The following NCS1 variants were observed in gnomAD, a reference collection of about 807,000 sequenced individuals.
NCS1 encodes frequenin homolog.
In NCS1, 6 loss-of-function variants were observed where a neutral mutation model predicts 28.4. The observed-to-expected ratio is 0.21, with a 90% CI of 0.12 to 0.42. The LOEUF (loss-of-function observed/expected upper bound fraction) is 0.42, where lower values mean the gene tolerates loss of function less well. NCS1 is among the 10% of genes least tolerant of loss of function. The pLI, the probability that NCS1 is intolerant of heterozygous loss-of-function variation, is 1.00. For synonymous variants in NCS1, 86 were observed against 99.3 expected (o/e 0.87, Z 0.79); for missense variants, 131 against 241.4 (o/e 0.54, Z 3.03).
intron 1 of NCS1, among the ~76,000 whole-genome samples, chr9:130,176,999 G>T (rs782625307): frequency 2.0e-5 from 3 of 152,188 alleles, no homozygotes; most frequent in Non-Finnish European, 4.4e-5. Flanking sequence ...GGGACCCTCG[G>T]TCTGGGACTC....
intron 1 of NCS1, among the ~76,000 whole-genome samples, chr9:130,184,232 C>G (rs1321656570): frequency 2.6e-5 from 4 of 152,182 alleles, no homozygotes; most frequent in African/African-American, 9.7e-5. Context: ...TTCTCTGAAT[C>G]TCTGCAGAAC....
chr9:130,228,477 G>C (rs1554911717), intron 7 of NCS1, among the ~76,000 whole-genome samples: 2 of 151,888 alleles, frequency 1.3e-5, no homozygotes. Flanking sequence ...TCCTACCTCG[G>C]CCTCCCAAAG....
At chr9:130,227,360 C>T (rs1833430031) in intron 7 of NCS1, among the ~76,000 whole-genome samples, 2 of 152,184 alleles carry the variant, frequency 1.3e-5, no homozygotes, top group Admixed American at 1.3e-4. Context: ...GTCCAGAGAT[C>T]AGCGTTCTTG....
In NCS1 at chr9:130,173,208, G is replaced by GGA. The variant is rs1554904300; in HGVS notation, c.64+482_64+483insAG. 8.7e-3 allele frequency among the ~76,000 whole-genome samples: 1,318 copies of GGA among 151,958 alleles called. 36 individuals are homozygous for GGA. Among genetic ancestry groups the GGA allele is most frequent in the African/African-American group, 0.03 (1,246 of 41,414 alleles). On this transcript the variant is annotated intron_variant, in intron 1 of 7. Coordinates refer to ENST00000372398, the MANE Select transcript of NCS1 (RefSeq NM_014286.4). ...CCTGGCCCCGTTCGTGTGGGGGGGG[G>GGA]GGTGGCGAGACTTGGCACAGCGCTC...
chr9:130,195,504 AC>A (rs1159873039), intron 1 of NCS1, among the ~76,000 whole-genome samples: 1 of 150,822 alleles, frequency 6.6e-6, no homozygotes, highest in African/African-American at 2.4e-5. Flanking sequence ...GCTCACTACA[AC>A]CTCTGCCTCC....
At chr9:130,189,365 A>G (rs1832784569) in intron 1 of NCS1, among the ~76,000 whole-genome samples, 1 of 152,228 alleles carries the variant, frequency 6.6e-6, no homozygotes, top group Non-Finnish European at 1.5e-5. Flanking sequence ...AGTTTAGACA[A>G]AGACCCTTTC....
At chr9:130,217,606 T>A (rs1833207551) in intron 2 of NCS1, among the ~76,000 whole-genome samples, 1 of 152,170 alleles carries the variant, frequency 6.6e-6, no homozygotes, top group Non-Finnish European at 1.5e-5. Flanking sequence ...GTAACCCCCT[T>A]ATGCAGACGA....
intron 3 of NCS1, among the ~76,000 whole-genome samples, chr9:130,218,240 C>T (rs1833218166): frequency 6.6e-6 from 1 of 152,240 alleles, no homozygotes; most frequent in African/African-American, 2.4e-5. Context: ...CACATCCAAG[C>T]TCTCACACAG....
chr9:130,218,714 C>T (rs1564712676), intron 3 of NCS1, among the ~76,000 whole-genome samples: 1 of 152,014 alleles, frequency 6.6e-6, no homozygotes, highest in Non-Finnish European at 1.5e-5. Flanking sequence ...GCCTCAGCCT[C>T]CTGAGAAGCT....
At chr9:130,187,269 C>A (rs1341646911) in intron 1 of NCS1, among the ~76,000 whole-genome samples, 1 of 152,152 alleles carries the variant, frequency 6.6e-6, no homozygotes, top group African/African-American at 2.4e-5. Context: ...GTGTCCGAGT[C>A]TGTGCCTCTC....
rs1461946694 is a variant in NCS1, at chr9:130,236,287, ATTTAAT to A, written c.*3321_*3326del. 7.2e-5 allele frequency: 11 copies of A among 152,082 alleles called. No individual in the cohort carries two copies. The highest frequency in any genetic ancestry group is 5.9e-4 in the Admixed American group (9 of 15,264). The allele number at this position is 152,082 out of a possible 1,614,324, so 9.4% of individuals were successfully genotyped here. ...ACCCTGTTCCCAGCGCGGTTTCAGC[ATTTAAT>A]TTTAAGGGAGCTAAGGAAGCGCGGC... On this transcript the variant is annotated 3_prime_UTR_variant, in exon 8 of 8. Coordinates refer to ENST00000372398, the MANE Select transcript of NCS1 (RefSeq NM_014286.4).
At chr9:130,228,549 C>T (rs1833450407) in intron 7 of NCS1, among the ~76,000 whole-genome samples, 2 of 151,754 alleles carry the variant, frequency 1.3e-5, no homozygotes, top group South Asian at 4.2e-4. Flanking sequence ...AATGCTAAGT[C>T]ACCTTGCATT....
intron 1 of NCS1, among the ~76,000 whole-genome samples, chr9:130,195,538 T>G (rs1490709771): frequency 1.3e-5 from 2 of 152,206 alleles, no homozygotes; most frequent in Non-Finnish European, 2.9e-5. Flanking sequence ...ATTCTCATGC[T>G]TCAGCCTCCG....
At chr9:130,223,182 G>A (rs1305010600) in intron 6 of NCS1, 23 bp downstream of exon 6, 2 of 1,606,394 alleles carry the variant, frequency 1.2e-6, no homozygotes, top group Non-Finnish European at 1.7e-6. Flanking sequence ...GGCGGGGCTG[G>A]TCCTGGACCA....
intron 2 of NCS1, among the ~76,000 whole-genome samples, chr9:130,214,667 G>T (rs1211474336): frequency 6.6e-6 from 1 of 152,210 alleles, no homozygotes; most frequent in Non-Finnish European, 1.5e-5. Flanking sequence ...CCAGGGGACA[G>T]GTCGAGGCCA....
At chr9:130,228,671 CTT>C (rs202118811) in intron 7 of NCS1, among the ~76,000 whole-genome samples, 18 of 141,822 alleles carry the variant, frequency 1.3e-4, no homozygotes, top group Middle Eastern at 3.5e-3. Context: ...TTCTTTCTTT[CTT>C]TTTTTTTTTT....
chr9:130,230,778 A>G (rs1833490608), intron 7 of NCS1, among the ~76,000 whole-genome samples: 1 of 134,512 alleles, frequency 7.4e-6, no homozygotes, highest in Admixed American at 8.3e-5. Flanking sequence ...TTCCCTGCCA[A>G]TCTTGTACCA....
Position 130,182,856 on chromosome 9 carries a change from A to G in NCS1, c.64+10129A>G, listed in dbSNP as rs73545511. 6.3e-3 allele frequency among the ~76,000 whole-genome samples: 956 copies of G among 152,342 alleles called. 8 individuals carry two copies. Among genetic ancestry groups the G allele is most frequent in the African/African-American group, 0.022 (914 of 41,582 alleles). On this transcript the variant is annotated intron_variant, in intron 1 of 7. Transcript: ENST00000372398. ...CCCTGCCCTGTGCCTGGCTCAGCCCAGGTGCCTTCGGAGGTATCTGTCCGA... is the reference window on the plus strand; with the variant it reads ...CCCTGCCCTGTGCCTGGCTCAGCCCGGGTGCCTTCGGAGGTATCTGTCCGA...
chr9:130,217,745 T>C lies in NCS1; in HGVS notation c.90-87T>C, dbSNP rs1236448712. 36 of 1,594,562 alleles carry C rather than the reference T, an allele frequency of 2.3e-5. No individual in the cohort carries two copies. In the Admixed American group the frequency reaches 2.3e-4, roughly 10 times the overall value. Reference sequence around the variant, plus strand: ...CTCTTTGAACAAGGAGCCACAGCTTTCCTGGGCCCCGGGCAGGCGATGTTG... The same window carrying C: ...CTCTTTGAACAAGGAGCCACAGCTTCCCTGGGCCCCGGGCAGGCGATGTTG... On this transcript the variant is annotated intron_variant, in intron 2 of 7. Transcript: ENST00000372398.
Sources: gnomAD v4.1 joint callset for allele counts (sites outside exome capture counted in the v4.1 genomes callset) on GRCh38, gnomAD v4.1.1 for gene constraint, MANE v1.5 for transcripts, NCBI Gene and HGNC (gene_info 2026-07-23, HGNC 2026-07-21) for gene names.